GALNTL6: variants seen among roughly 807,000 people sequenced by gnomAD.
The protein encoded by GALNTL6 is polypeptide N-acetylgalactosaminyltransferase-like 6.
Under a neutral mutation model 73.7 loss-of-function variants are expected in GALNTL6, and 46 were observed. The ratio of observed to expected loss-of-function variants is 0.62; its 90% CI spans 0.49 to 0.80. GALNTL6 has a LOEUF of 0.80. Ranked by LOEUF, GALNTL6 falls within the 30% of genes least tolerant of loss-of-function variation. The pLI, the probability that GALNTL6 is intolerant of heterozygous loss-of-function variation, is 0.00. For missense variants in GALNTL6, 604 were observed against 755.0 expected (o/e 0.80, Z 2.34); for synonymous variants, 259 against 263.7 (o/e 0.98, Z 0.17).
At chr4:172,081,655 T>TA (rs1278625553) in intron 2 of GALNTL6, among the ~76,000 whole-genome samples, 2 of 151,874 alleles carry the variant, frequency 1.3e-5, no homozygotes, top group Non-Finnish European at 2.9e-5. Context: ...TAACAAATTT[T>TA]AAAAAAATTG....
At chr4:172,668,551 C>G (rs1382073340) in intron 5 of GALNTL6, 6 of 152,198 alleles carry the variant, frequency 3.9e-5, no homozygotes, top group Non-Finnish European at 2.9e-5. Flanking sequence ...TATTGGGTAC[C>G]CTCACTCTGG....
At chr4:172,632,626 C>T (rs1739447409) in intron 5 of GALNTL6, among the ~76,000 whole-genome samples, 1 of 152,100 alleles carries the variant, frequency 6.6e-6, no homozygotes, top group South Asian at 2.1e-4. Flanking sequence ...AAAGAAAAAT[C>T]CATTTTCTGA....
chr4:172,194,395 G>A (rs921259583), intron 2 of GALNTL6, among the ~76,000 whole-genome samples: 33 of 152,296 alleles, frequency 2.2e-4, no homozygotes, highest in African/African-American at 7.7e-4. Context: ...ATACCATCCA[G>A]GCGAATTCCC....
At chr4:171,942,613 G>A (rs941372960) in intron 2 of GALNTL6, among the ~76,000 whole-genome samples, 1 of 152,180 alleles carries the variant, frequency 6.6e-6, no homozygotes, top group African/African-American at 2.4e-5. Context: ...GTGGAATGAA[G>A]GATAGGATTG....
At chr4:172,184,061 A>G (rs1579226636) in intron 2 of GALNTL6, among the ~76,000 whole-genome samples, 1 of 152,160 alleles carries the variant, frequency 6.6e-6, no homozygotes, top group Admixed American at 6.6e-5. Context: ...AAAGTGTGGG[A>G]TTACAGGCAT....
At chr4:171,989,229 T>C (rs1027616822) in intron 2 of GALNTL6, among the ~76,000 whole-genome samples, 1 of 152,054 alleles carries the variant, frequency 6.6e-6, no homozygotes, top group African/African-American at 2.4e-5. Context: ...ACTGTGAGAG[T>C]TACTCAAAGC....
intron 2 of GALNTL6, among the ~76,000 whole-genome samples, chr4:171,833,815 T>C (rs1735036706): frequency 6.6e-6 from 1 of 151,800 alleles, no homozygotes; most frequent in East Asian, 1.9e-4. Context: ...AACGTGCTTA[T>C]ATATATATTT....
chr4:172,062,097 A>C (rs1183512405), intron 2 of GALNTL6, among the ~76,000 whole-genome samples: 1 of 151,432 alleles, frequency 6.6e-6, no homozygotes, highest in South Asian at 2.1e-4. Context: ...CTACAGGTGC[A>C]CACCACCATG....
intron 5 of GALNTL6, among the ~76,000 whole-genome samples, chr4:172,479,478 C>T (rs1020738718): frequency 6.6e-6 from 1 of 152,180 alleles, no homozygotes; most frequent in Non-Finnish European, 1.5e-5. Flanking sequence ...AGAATGTTCT[C>T]ACTTGCAAAC....
chr4:173,035,096 C>CT (rs33964878), intron 12 of GALNTL6, among the ~76,000 whole-genome samples: 6,688 of 140,114 alleles, frequency 0.048, 443 homozygotes, highest in African/African-American at 0.16. Flanking sequence ...ACAAACATTT[C>CT]TTTTTTTTTT....
At chr4:172,307,354 G>A (rs1185349743) in intron 3 of GALNTL6, among the ~76,000 whole-genome samples, 1 of 152,096 alleles carries the variant, frequency 6.6e-6, no homozygotes, top group Admixed American at 6.5e-5. Context: ...AAACTTTTGA[G>A]TTTAATTAAG....
At chr4:172,940,369 C>CT (rs993906788) in intron 9 of GALNTL6, among the ~76,000 whole-genome samples, 106 of 145,846 alleles carry the variant, frequency 7.3e-4, no homozygotes, top group Middle Eastern at 7.0e-3. Context: ...AAGTAATTTT[C>CT]TTTTTTTTTT....
intron 12 of GALNTL6, among the ~76,000 whole-genome samples, chr4:173,025,609 G>A (rs563247099): frequency 1.3e-5 from 2 of 152,226 alleles, no homozygotes; most frequent in Admixed American, 6.5e-5. Flanking sequence ...GAAGCCAGAG[G>A]GAGATTTCAC....
intron 5 of GALNTL6, among the ~76,000 whole-genome samples, chr4:172,607,412 G>T (rs182444741): frequency 0.035 from 5,301 of 152,176 alleles, 248 homozygotes; most frequent in African/African-American, 0.1. Flanking sequence ...TTCTATTCCT[G>T]TGTTAGTTCA....
At chr4:171,873,597 A>G (rs1400866051) in intron 2 of GALNTL6, among the ~76,000 whole-genome samples, 1 of 152,098 alleles carries the variant, frequency 6.6e-6, no homozygotes, top group African/African-American at 2.4e-5. Context: ...TGAAAACTGT[A>G]TTTCTTCTTG....
At chr4:172,878,463 T>C (rs1407747335) in intron 7 of GALNTL6, among the ~76,000 whole-genome samples, 4 of 151,764 alleles carry the variant, frequency 2.6e-5, no homozygotes, top group Non-Finnish European at 5.9e-5. Context: ...AAAAGTAAAA[T>C]GTATGATAAC....
At chr4:172,075,167 A>T (rs150431852) in intron 2 of GALNTL6, among the ~76,000 whole-genome samples, 1 of 151,986 alleles carries the variant, frequency 6.6e-6, no homozygotes. Flanking sequence ...TGTTTCATTT[A>T]TTTTTTCTAT....
rs148501883 is a variant in GALNTL6 at position 172,794,986 on chromosome 4, G to A, written c.554-14375G>A. ...TTGGACAGATTACCAAGAACATCTC[G>A]AATGAATGAAAAAGAGAAATGAGTT... On this transcript the variant is annotated intron_variant, in intron 5 of 12. Coordinates refer to ENST00000506823, the MANE Select transcript of GALNTL6 (RefSeq NM_001034845.3). Among the ~76,000 whole-genome samples the A allele has an allele frequency of 3.1e-3, 475 of 152,228 alleles. 6 individuals are homozygous for A. The highest frequency in any genetic ancestry group is 7.1e-3 in the East Asian group (37 of 5,180).
chr4:172,653,804 C>T (rs1353363308), intron 5 of GALNTL6, among the ~76,000 whole-genome samples: 2 of 152,194 alleles, frequency 1.3e-5, no homozygotes, highest in African/African-American at 2.4e-5. Flanking sequence ...TAATTTCTGA[C>T]TCCTTGTTTT....
Sources: allele counts gnomAD v4.1 joint callset (sites outside exome capture counted in the v4.1 genomes callset), GRCh38; gene constraint gnomAD v4.1.1; transcripts MANE v1.5; gene names NCBI Gene and HGNC (gene_info 2026-07-23, HGNC 2026-07-21).